The following ANTXR2 variants were observed in gnomAD, a reference collection of about 807,000 sequenced individuals.
ANTXR2 encodes ANTXR cell adhesion molecule 2.
Under a neutral mutation model 73.7 loss-of-function variants are expected in ANTXR2, and 44 were observed. The observed-to-expected ratio is 0.60, with a 90% CI of 0.47 to 0.77. ANTXR2 has a LOEUF of 0.77. Ranked by LOEUF, ANTXR2 falls within the 30% of genes least tolerant of loss-of-function variation. ANTXR2 has a pLI of 0.00. For missense variants in ANTXR2, 604 were observed against 592.5 expected, an observed-to-expected ratio of 1.02 and a Z score of -0.20; for synonymous variants, 217 against 205.9, an observed-to-expected ratio of 1.05 and a Z score of -0.46.
chr4:80,038,629 T>A (rs1578176666), intron 7 of ANTXR2, among the ~76,000 whole-genome samples: 1 of 152,232 alleles, frequency 6.6e-6, no homozygotes, highest in East Asian at 1.9e-4. Context: ...ATAGCTTACA[T>A]TTGCTAATAA....
chr4:80,041,559 C>T (rs1733249475), intron 7 of ANTXR2, among the ~76,000 whole-genome samples: 1 of 151,880 alleles, frequency 6.6e-6, no homozygotes, highest in Admixed American at 6.6e-5. Context: ...ACCCATCAAC[C>T]TGTCACCTAG....
chr4:80,022,530 T>C (rs537347607), intron 10 of ANTXR2, among the ~76,000 whole-genome samples: 49 of 152,314 alleles, frequency 3.2e-4, no homozygotes, highest in African/African-American at 1.1e-3. Context: ...TTCGGTAAGC[T>C]TTCCTTGCCT....
chr4:79,937,745 A>G (rs915461744), intron 16 of ANTXR2, among the ~76,000 whole-genome samples: 1 of 152,106 alleles, frequency 6.6e-6, no homozygotes, highest in African/African-American at 2.4e-5. Flanking sequence ...GAATAGGAAC[A>G]GCTCCGGTCT....
chr4:79,953,226 A>G (rs1425997096), intron 16 of ANTXR2, among the ~76,000 whole-genome samples: 1 of 152,188 alleles, frequency 6.6e-6, no homozygotes, highest in Non-Finnish European at 1.5e-5. Context: ...GTACCTGAAG[A>G]GATATTAAGA....
intron 9 of ANTXR2, 23 bp downstream of exon 9, chr4:80,033,449 C>A: frequency 1.3e-6 from 2 of 1,557,824 alleles, no homozygotes; most frequent in South Asian, 2.4e-5. Flanking sequence ...ATTAAGACAA[C>A]ACTGAGATTA....
At chr4:80,052,192 T>C (rs1733800217) in intron 7 of ANTXR2, among the ~76,000 whole-genome samples, 1 of 151,612 alleles carries the variant, frequency 6.6e-6, no homozygotes, top group South Asian at 2.1e-4. Context: ...GTTTGATAAA[T>C]CATAAAGAAT....
chr4:80,068,184 C>T (rs1734598517), intron 3 of ANTXR2, among the ~76,000 whole-genome samples: 1 of 152,096 alleles, frequency 6.6e-6, no homozygotes, highest in Non-Finnish European at 1.5e-5. Context: ...CCCCCAGTTC[C>T]TTTAGATATT....
chr4:79,984,008 TTC>T, intron 13 of ANTXR2, 38 bp from the exon 14 acceptor site: 1 of 1,389,820 alleles, frequency 7.2e-7, no homozygotes, highest in Admixed American at 2.3e-5. Flanking sequence ...TTTAATTAAT[TTC>T]TTAAAATACT....
At chr4:79,909,115 A>T (rs371614681) in intron 16 of ANTXR2, among the ~76,000 whole-genome samples, 109 of 152,302 alleles carry the variant, frequency 7.2e-4, no homozygotes, top group African/African-American at 2.5e-3. Flanking sequence ...TTAAAATATT[A>T]TCTTCTGGCA....
At chr4:79,965,747 A>G (rs891846655) in intron 16 of ANTXR2, among the ~76,000 whole-genome samples, 1 of 152,212 alleles carries the variant, frequency 6.6e-6, no homozygotes, top group South Asian at 2.1e-4. Flanking sequence ...GTTCCAGTGA[A>G]CTTTTTGCTA....
At chr4:80,033,686 T>C (rs948616412) in intron 8 of ANTXR2, 116 bp from the exon 9 acceptor site, 1 of 719,010 alleles carries the variant, frequency 1.4e-6, no homozygotes, top group Non-Finnish European at 2.2e-6. Flanking sequence ...ACTATTCAGT[T>C]AACTAATAGC....
intron 16 of ANTXR2, among the ~76,000 whole-genome samples, chr4:79,950,596 C>A (rs941152795): frequency 2.0e-5 from 3 of 152,090 alleles, no homozygotes; most frequent in Non-Finnish European, 4.4e-5. Flanking sequence ...TAACATTATG[C>A]CAAGAAGACG....
chr4:80,018,422 C>A (rs1731986846), intron 11 of ANTXR2, among the ~76,000 whole-genome samples: 1 of 152,100 alleles, frequency 6.6e-6, no homozygotes, highest in Non-Finnish European at 1.5e-5. Context: ...AAGATAGTAT[C>A]AAGCTGTCAA....
At position 80,072,411 on chromosome 4, in the gene ANTXR2, G is replaced by A. The variant is rs760707048; in HGVS notation, c.150C>T (p.Asp50=). The change falls in exon 1 of 17, where the codon GAC becomes GAT. Residue 50 remains aspartate, a splice_region_variant and synonymous_variant. Coordinates refer to ENST00000403729, the MANE Select transcript of ANTXR2 (RefSeq NM_058172.6). ...CTGGACCTCCCTCGCACACTCACTTGTCCAGGACGAAGTAGAGATCAAAGG... is the reference window on the plus strand; with the variant it reads ...CTGGACCTCCCTCGCACACTCACTTATCCAGGACGAAGTAGAGATCAAAGG... The part of the protein sequence containing the change: ...RRAFDLYFVL[D]KSGSVANNWI... The A allele has an allele frequency of 1.2e-6, 2 of 1,601,636 alleles. No individual in the cohort carries two copies. The highest frequency in any genetic ancestry group is 1.4e-5 in the African/African-American group (1 of 73,488).
chr4:80,044,824 T>C (rs1560420467), intron 7 of ANTXR2, among the ~76,000 whole-genome samples: 1 of 151,842 alleles, frequency 6.6e-6, no homozygotes, highest in Non-Finnish European at 1.5e-5. Context: ...AAATTCAATC[T>C]AATATAAAAA....
chr4:80,070,710 T>G (rs1734747949), intron 2 of ANTXR2, among the ~76,000 whole-genome samples: 1 of 152,218 alleles, frequency 6.6e-6, no homozygotes. Context: ...TGAAGTTACT[T>G]GCAACATGAC....
chr4:80,005,390 T>TA (rs1312837745), intron 12 of ANTXR2, among the ~76,000 whole-genome samples: 1 of 152,168 alleles, frequency 6.6e-6, no homozygotes, highest in African/African-American at 2.4e-5. Flanking sequence ...CATTTTCTAT[T>TA]AAAAAGTTCA....
chr4:79,985,260 G>C (rs889906251), intron 12 of ANTXR2, among the ~76,000 whole-genome samples: 5 of 151,834 alleles, frequency 3.3e-5, no homozygotes, highest in African/African-American at 1.2e-4. Context: ...TGAGGCAGGA[G>C]AATGGCGTGA....
chr4:79,922,871 A>C (rs1727641789), intron 16 of ANTXR2, among the ~76,000 whole-genome samples: 1 of 152,116 alleles, frequency 6.6e-6, no homozygotes, highest in Non-Finnish European at 1.5e-5. Context: ...CTAAAACAAA[A>C]AGAATATAAT....
Sources: gnomAD v4.1 joint callset for allele counts (sites outside exome capture counted in the v4.1 genomes callset) on GRCh38, gnomAD v4.1.1 for gene constraint, MANE v1.5 for transcripts, NCBI Gene and HGNC (gene_info 2026-07-23, HGNC 2026-07-21) for gene names.